Variants in FAM76A observed in about 807,000 individuals in gnomAD.
The protein encoded by FAM76A is family with sequence similarity 76 member A.
FAM76A carries 32 observed loss-of-function variants against 46.2 expected under a neutral mutation model. The ratio of observed to expected loss-of-function variants is 0.69; its 90% CI spans 0.52 to 0.93. FAM76A has a LOEUF of 0.93. Among genes scored for constraint, FAM76A ranks in the 40% least tolerant of loss-of-function variants. The pLI is 0.00. For missense variants in FAM76A, 274 were observed against 361.5 expected, an observed-to-expected ratio of 0.76 and a Z score of 1.96; for synonymous variants, 137 against 127.0, an observed-to-expected ratio of 1.08 and a Z score of -0.53.
At chr1:27,759,779 G>GGTTTTTTTTTTTT (rs2088473912) in intron 8 of FAM76A, 152 bp downstream of exon 8, 64 of 363,564 alleles carry the variant, frequency 1.8e-4, no homozygotes, top group African/African-American at 1.7e-3. Context: ...TTTTTTTTTT[G>GGTTTTTTTTTTTT]TTTTTTTTTT....
chr1:27,759,795 A>G (rs1309247265), intron 8 of FAM76A, 168 bp downstream of exon 8: 2 of 497,898 alleles, frequency 4.0e-6, no homozygotes, highest in Non-Finnish European at 6.4e-6. Context: ...TTTTTGAGAC[A>G]GGTTCTCTGT....
At chr1:27,757,649 A>G (rs1192675159) in intron 7 of FAM76A, among the ~76,000 whole-genome samples, 2 of 151,406 alleles carry the variant, frequency 1.3e-5, no homozygotes, top group African/African-American at 2.4e-5. Flanking sequence ...GATTACAGGC[A>G]TGAGCTACCA....
At chr1:27,738,414 C>T (rs957207453) in intron 4 of FAM76A, among the ~76,000 whole-genome samples, 5 of 151,704 alleles carry the variant, frequency 3.3e-5, no homozygotes, top group Non-Finnish European at 5.9e-5. Flanking sequence ...AGCTTGAATC[C>T]TGCAGTGAGC....
rs533505095 is a variant in FAM76A at position 27,752,310 on chromosome 1, T to G, written c.600-2885T>G. ...AGCTTTCAAAAATGGCTTTATAAGA[T>G]GCTTTAGTCTTTTTTTTCTAAGTAT... On this transcript the variant is annotated intron_variant, in intron 6 of 8. Transcript: ENST00000373954. Among the ~76,000 whole-genome samples the G allele has an allele frequency of 5.9e-5, 9 of 152,316 alleles. No homozygotes were observed. In the South Asian group the frequency reaches 1.9e-3, roughly 32 times the overall value.
rs1009248617 is a variant in FAM76A at position 27,755,075 on chromosome 1, C to T, written c.600-120C>T. On this transcript the variant is annotated intron_variant, in intron 6 of 8. Transcript: ENST00000373954. ...AGCCCAGCATGTGTGGTGCAATGTG[C>T]TTGATGCTAGGATTCCTGCCCTTTA... 21 of 1,105,002 alleles carry T rather than the reference C, an allele frequency of 1.9e-5. No individual in the cohort carries two copies. The South Asian group carries it at 2.2e-4, about 11-fold the overall frequency. The allele number at this position is 1,105,002 out of a possible 1,614,324, so 68.4% of individuals were successfully genotyped here.
chr1:27,750,819 G>T (rs1357533536), intron 6 of FAM76A, among the ~76,000 whole-genome samples: 1 of 152,192 alleles, frequency 6.6e-6, no homozygotes, highest in African/African-American at 2.4e-5. Context: ...CAAGTAGAAA[G>T]CTGATCCTTG....
chr1:27,744,277 C>T (rs1022724372), intron 4 of FAM76A, among the ~76,000 whole-genome samples: 2 of 151,952 alleles, frequency 1.3e-5, no homozygotes, highest in Admixed American at 6.6e-5. Flanking sequence ...TACAGGTGCA[C>T]GACACTATGC....
intron 8 of FAM76A, chr1:27,760,024 C>T (rs2148589666): frequency 2.2e-6 from 1 of 458,176 alleles, no homozygotes; most frequent in Non-Finnish European, 4.4e-6. Flanking sequence ...CCTCCCACCT[C>T]AACCTCACAA....
At chr1:27,759,923 A>G (rs1330114166) in intron 8 of FAM76A, 1 of 497,248 alleles carries the variant, frequency 2.0e-6, no homozygotes, top group Admixed American at 2.3e-5. Flanking sequence ...ATATACCACC[A>G]TACCCCACTA....
intron 7 of FAM76A, among the ~76,000 whole-genome samples, chr1:27,756,721 C>T (rs1037913222): frequency 2.6e-5 from 4 of 151,992 alleles, no homozygotes; most frequent in African/African-American, 9.7e-5. Context: ...TACATTCTTA[C>T]TCTGATTCAT....
rs1277275288 is a variant in FAM76A at position 27,761,494 on chromosome 1, C to T, written c.*913C>T. On this transcript the variant is annotated 3_prime_UTR_variant, in exon 9 of 9. Transcript: ENST00000373954. Reference sequence around the variant, plus strand: ...AGTAAGGGCAGAAAGCAAGGTTGTCCAGGTTGTACTGGACACTTCTCTCCC... The same window carrying T: ...AGTAAGGGCAGAAAGCAAGGTTGTCTAGGTTGTACTGGACACTTCTCTCCC... The T allele has an allele frequency of 1.3e-5, 2 of 152,536 alleles. No individual in the cohort carries two copies. Among genetic ancestry groups the T allele is most frequent in the Non-Finnish European group, 2.9e-5 (2 of 68,032 alleles). The allele number at this position is 152,536 out of a possible 1,614,324, so 9.4% of individuals were successfully genotyped here.
chr1:27,730,268 C>T (rs1020095346), intron 2 of FAM76A: 11 of 177,938 alleles, frequency 6.2e-5, no homozygotes, highest in Admixed American at 1.2e-4. Context: ...CTCACTGCAA[C>T]CTCCACCTCC....
Position 27,762,069 on chromosome 1 carries a change from AT to A in FAM76A, c.*1489del, listed in dbSNP as rs2088518373. 6.6e-6 allele frequency: 1 copy of A among 151,976 alleles called. No homozygotes were observed. The highest frequency in any genetic ancestry group is 1.9e-4 in the East Asian group (1 of 5,178). 9.4% of individuals were successfully genotyped at this position (151,976 alleles called of 1,614,324 possible). On this transcript the variant is annotated 3_prime_UTR_variant, in exon 9 of 9. Coordinates refer to ENST00000373954, the MANE Select transcript of FAM76A (RefSeq NM_152660.3). ...TGAGTCTGGGAAAAGTGGTATCACTATACCTTCTCCCCACTCCTCACCCACC... is the reference window on the plus strand; with the variant it reads ...TGAGTCTGGGAAAAGTGGTATCACTAACCTTCTCCCCACTCCTCACCCACC...
chr1:27,758,761 C>T (rs374693651), intron 7 of FAM76A, among the ~76,000 whole-genome samples: 22 of 150,484 alleles, frequency 1.5e-4, no homozygotes, highest in African/African-American at 5.4e-4. Flanking sequence ...TCAAGTATTC[C>T]GCCCTTTTGG....
At position 27,759,601 on chromosome 1, in the gene FAM76A, C is replaced by A; in HGVS notation, c.811C>A (p.His271Asn). ...CAAAATGAACCAGATGGAGAAAACC[C>A]ACAAAGAAGTCACAGAACAACTGCA... ...RAKMNQMEKT[H>N]KEVTEQLQAK... Residue 271 changes from histidine (H) to asparagine (N), a missense_variant, in exon 8 of 9, where the codon CAC (histidine) becomes AAC (asparagine). Transcript: ENST00000373954. 1 of 1,613,378 alleles carries A rather than the reference C, an allele frequency of 6.2e-7. No individual in the cohort carries two copies. The highest frequency in any genetic ancestry group is 8.5e-7 in the Non-Finnish European group (1 of 1,179,728).
intron 8 of FAM76A, 135 bp downstream of exon 8, chr1:27,759,762 T>G: frequency 1.5e-6 from 1 of 683,682 alleles, no homozygotes; most frequent in East Asian, 2.9e-5. Context: ...AATCCCCCTT[T>G]TAGGTTTTTT....
At chr1:27,729,350 G>A (rs1571464221) in intron 2 of FAM76A, among the ~76,000 whole-genome samples, 1 of 151,872 alleles carries the variant, frequency 6.6e-6, no homozygotes, top group African/African-American at 2.4e-5. Flanking sequence ...TGGGACCAGG[G>A]GTGCACACCA....
chr1:27,733,797 C>T (rs950466694), intron 3 of FAM76A, among the ~76,000 whole-genome samples: 7 of 151,998 alleles, frequency 4.6e-5, no homozygotes, highest in Non-Finnish European at 1.0e-4. Context: ...TTGCATTGAG[C>T]TGAGATTGCG....
chr1:27,744,978 C>G (rs1299358883), intron 5 of FAM76A, among the ~76,000 whole-genome samples, 167 bp downstream of exon 5: 1 of 152,206 alleles, frequency 6.6e-6, no homozygotes, highest in Non-Finnish European at 1.5e-5. Context: ...GTTCATATAT[C>G]TTCCAAGGAC....
Sources: gnomAD v4.1 joint callset for allele counts (sites outside exome capture counted in the v4.1 genomes callset) on GRCh38, gnomAD v4.1.1 for gene constraint, MANE v1.5 for transcripts, NCBI Gene and HGNC (gene_info 2026-07-23, HGNC 2026-07-21) for gene names.